MARCHF1: variants seen among roughly 807,000 people sequenced by gnomAD.
The protein encoded by MARCHF1 is E3 ubiquitin-protein ligase MARCHF1.
Under a neutral mutation model 54.2 loss-of-function variants are expected in MARCHF1, and 40 were observed. The ratio of observed to expected loss-of-function variants is 0.74; its 90% CI spans 0.57 to 0.96. MARCHF1 has a LOEUF of 0.96. MARCHF1 is among the 40% of genes least tolerant of loss of function. The pLI, the probability that MARCHF1 is intolerant of heterozygous loss-of-function variation, is 0.00. For missense variants in MARCHF1, 586 were observed against 656.5 expected (o/e 0.89, Z 1.17); for synonymous variants, 236 against 236.3 (o/e 1.00, Z 0.01).
rs13327908 is a variant in MARCHF1 at position 164,038,379 on chromosome 4, G to C, written c.-247-49670C>G. Reference sequence around the variant, plus strand: ...CGTGGTGGCGGCACCTGTAGTCCCAGCTACTTGGGAGGCTGAGGCAGGAGA... The same window carrying C: ...CGTGGTGGCGGCACCTGTAGTCCCACCTACTTGGGAGGCTGAGGCAGGAGA... On this transcript the variant is annotated intron_variant, in intron 2 of 9. Coordinates refer to ENST00000514618, the MANE Select transcript of MARCHF1 (RefSeq NM_001394959.1). 1.9e-3 allele frequency among the ~76,000 whole-genome samples: 290 copies of C among 152,288 alleles called. 2 individuals are homozygous for C. The highest frequency in any genetic ancestry group is 6.9e-3 in the African/African-American group (288 of 41,562).
intron 4 of MARCHF1, among the ~76,000 whole-genome samples, chr4:163,798,986 T>C (rs1748002029): frequency 6.6e-6 from 1 of 152,114 alleles, no homozygotes. Context: ...TGTTGTCAGG[T>C]AGATATTTTC....
intron 1 of MARCHF1, among the ~76,000 whole-genome samples, chr4:164,264,487 A>G (rs1393508041): frequency 1.3e-5 from 2 of 152,174 alleles, no homozygotes; most frequent in Non-Finnish European, 2.9e-5. Context: ...AAAAGTTAAA[A>G]AAAAAAAAGA....
intron 3 of MARCHF1, among the ~76,000 whole-genome samples, chr4:163,951,738 T>C (rs544199555): frequency 7.9e-5 from 12 of 152,170 alleles, no homozygotes; most frequent in Non-Finnish European, 1.3e-4. Flanking sequence ...ACTTTAAAGA[T>C]CTAGGGATAG....
intron 4 of MARCHF1, among the ~76,000 whole-genome samples, chr4:163,795,192 TC>T (rs1434915706): frequency 6.6e-6 from 1 of 152,190 alleles, no homozygotes. Context: ...ATGCTGCACA[TC>T]TTTGGTTGGA....
intron 1 of MARCHF1, among the ~76,000 whole-genome samples, chr4:164,146,961 T>A (rs1400415496): frequency 6.7e-6 from 1 of 149,796 alleles, no homozygotes; most frequent in Admixed American, 6.6e-5. Flanking sequence ...TACAATGAAC[T>A]CAAACAAATT....
At chr4:163,639,459 A>G (rs1213855709) in intron 5 of MARCHF1, among the ~76,000 whole-genome samples, 2 of 152,240 alleles carry the variant, frequency 1.3e-5, no homozygotes, top group Non-Finnish European at 2.9e-5. Context: ...TATAATGAGT[A>G]AAGCAAGGAG....
chr4:163,719,020 T>C (rs905765691), intron 4 of MARCHF1, among the ~76,000 whole-genome samples: 4 of 152,194 alleles, frequency 2.6e-5, no homozygotes, highest in Admixed American at 6.5e-5. Context: ...AGTGGGTATA[T>C]CTTCAAGCTC....
At chr4:164,377,611 A>ACACACT (rs1362268654) in intron 1 of MARCHF1, among the ~76,000 whole-genome samples, 2 of 151,884 alleles carry the variant, frequency 1.3e-5, no homozygotes, top group Non-Finnish European at 2.9e-5. Flanking sequence ...ACACACACAC[A>ACACACT]CACATACACA....
chr4:163,693,099 T>C (rs1744514200), intron 5 of MARCHF1, among the ~76,000 whole-genome samples: 1 of 151,264 alleles, frequency 6.6e-6, no homozygotes, highest in Non-Finnish European at 1.5e-5. Context: ...GAACAGTCCA[T>C]TGTATTTATG....
At chr4:163,535,539 A>C (rs1363121009) in intron 9 of MARCHF1, among the ~76,000 whole-genome samples, 1 of 152,268 alleles carries the variant, frequency 6.6e-6, no homozygotes, top group South Asian at 2.1e-4. Context: ...CAAAGTCTTC[A>C]TAAGTGATTT....
intron 1 of MARCHF1, among the ~76,000 whole-genome samples, chr4:164,292,466 G>A (rs1385421250): frequency 6.6e-6 from 1 of 151,964 alleles, no homozygotes; most frequent in East Asian, 1.9e-4. Context: ...ATGCTTTCTC[G>A]ATCTCACAGA....
chr4:164,228,586 G>GTT, intron 1 of MARCHF1, among the ~76,000 whole-genome samples: 1 of 152,036 alleles, frequency 6.6e-6, no homozygotes, highest in African/African-American at 2.4e-5. Context: ...AAACCCAACT[G>GTT]GATATTTGAC....
At chr4:163,954,594 C>CA (rs1428354916) in intron 3 of MARCHF1, among the ~76,000 whole-genome samples, 1 of 152,138 alleles carries the variant, frequency 6.6e-6, no homozygotes, top group African/African-American at 2.4e-5. Flanking sequence ...CATTTAAAAA[C>CA]AAATTATAGC....
At chr4:163,741,560 G>A (rs1268274532) in intron 4 of MARCHF1, among the ~76,000 whole-genome samples, 2 of 150,476 alleles carry the variant, frequency 1.3e-5, no homozygotes, top group African/African-American at 4.9e-5. Flanking sequence ...TGTAGCCTGG[G>A]TGACAGAGTG....
At chr4:163,584,526 A>G (rs1300336161) in intron 8 of MARCHF1, 1 of 152,146 alleles carries the variant, frequency 6.6e-6, no homozygotes. Flanking sequence ...TGGGCCCTAG[A>G]AAAACAGGGT....
intron 1 of MARCHF1, chr4:164,130,149 C>G (rs1214642075): frequency 1.3e-5 from 2 of 151,886 alleles, no homozygotes; most frequent in East Asian, 3.9e-4. Flanking sequence ...TTATTCTAAA[C>G]TTAAGAAACA....
chr4:163,912,070 T>G (rs1467007141), intron 3 of MARCHF1, among the ~76,000 whole-genome samples: 9 of 151,324 alleles, frequency 5.9e-5, no homozygotes, highest in East Asian at 1.9e-4. Context: ...GCAGGGTTTT[T>G]TTTTTTTTTT....
At chr4:163,538,607 G>T (rs1053064998) in intron 9 of MARCHF1, among the ~76,000 whole-genome samples, 2 of 152,134 alleles carry the variant, frequency 1.3e-5, no homozygotes, top group African/African-American at 4.8e-5. Context: ...TCTTATTAAG[G>T]TTAATGGCTT....
rs1036834763 is a variant in MARCHF1 at position 163,723,351 on chromosome 4, C to T, written c.112-22488G>A. 7.2e-5 allele frequency among the ~76,000 whole-genome samples: 11 copies of T among 152,220 alleles called. 1 individual carries two copies. The South Asian group carries it at 1.5e-3, about 20-fold the overall frequency. On this transcript the variant is annotated intron_variant, in intron 4 of 9. Coordinates refer to ENST00000514618, the MANE Select transcript of MARCHF1 (RefSeq NM_001394959.1). ...TTCTTTAAAAATGTTGAATATTGGC[C>T]CCCACTCTCTTCTGGCTTGTAGAGT...
Sources: gnomAD v4.1 joint callset for allele counts (sites outside exome capture counted in the v4.1 genomes callset) on GRCh38, gnomAD v4.1.1 for gene constraint, MANE v1.5 for transcripts, NCBI Gene and HGNC (gene_info 2026-07-23, HGNC 2026-07-21) for gene names.